The following ZNF385D variants were observed in gnomAD, a reference collection of about 807,000 sequenced individuals.
ZNF385D encodes zinc finger protein 659.
Under a neutral mutation model 35.8 loss-of-function variants are expected in ZNF385D, and 15 were observed. The ratio of observed to expected loss-of-function variants is 0.42; its 90% CI spans 0.28 to 0.64. The LOEUF (loss-of-function observed/expected upper bound fraction) is 0.64, where lower values mean the gene tolerates loss of function less well. ZNF385D is among the 30% of genes least tolerant of loss of function. The probability of loss-of-function intolerance (pLI) is 0.23; values close to 1 mark genes in which losing one functional copy is unlikely to be tolerated. For missense variants in ZNF385D, 474 were observed against 494.6 expected, an observed-to-expected ratio of 0.96 and a Z score of 0.39; for synonymous variants, 212 against 186.8, an observed-to-expected ratio of 1.13 and a Z score of -1.10.
intron 1 of ZNF385D, among the ~76,000 whole-genome samples, chr3:21,710,763 T>A (rs750320706): frequency 5.3e-5 from 8 of 152,178 alleles, no homozygotes; most frequent in Non-Finnish European, 7.3e-5. Flanking sequence ...TGTAATGTTT[T>A]CTCCAAAGAA....
At chr3:21,721,912 C>G (rs529733302) in intron 1 of ZNF385D, among the ~76,000 whole-genome samples, 1 of 152,136 alleles carries the variant, frequency 6.6e-6, no homozygotes, top group South Asian at 2.1e-4. Flanking sequence ...CCAGCCTGGC[C>G]AAAATGGCGA....
rs142626312 is a variant in ZNF385D at position 21,776,016 on chromosome 3, A to G, written c.326-110988T>C. Reference sequence around the variant, plus strand: ...ATATATTGTGATGTCCATTTTTTACATATTAAAATTTTATAGTATTTCTTT... The same window carrying G: ...ATATATTGTGATGTCCATTTTTTACGTATTAAAATTTTATAGTATTTCTTT... On this transcript the variant is annotated intron_variant, in intron 3 of 5. Transcript: ENST00000494108. 1.4e-3 allele frequency among the ~76,000 whole-genome samples: 215 copies of G among 151,924 alleles called. 1 individual carries two copies. Among genetic ancestry groups the G allele is most frequent in the African/African-American group, 4.8e-3 (198 of 41,510 alleles).
At chr3:21,671,609 A>G (rs892604728) in intron 1 of ZNF385D, among the ~76,000 whole-genome samples, 1 of 152,194 alleles carries the variant, frequency 6.6e-6, no homozygotes, top group Admixed American at 6.6e-5. Context: ...ATGATTTTTA[A>G]TGCACTGATA....
At chr3:21,703,568 C>A (rs73042164) in intron 1 of ZNF385D, among the ~76,000 whole-genome samples, 1 of 152,018 alleles carries the variant, frequency 6.6e-6, no homozygotes, top group African/African-American at 2.4e-5. Flanking sequence ...TTTCAGCACG[C>A]CATTTATTTC....
chr3:21,416,469 G>A lies in ZNF385D; in HGVS notation c.*4745C>T, dbSNP rs1611929. On this transcript the variant is annotated 3_prime_UTR_variant, in exon 8 of 8. Transcript: ENST00000281523. ...ATGAGCATGACATGTCAACCTATCC[G>A]TCTTTCACTGGACACCCTGATACCA... 130,217 of 151,974 alleles carry A rather than the reference G, an allele frequency of 0.86. 56,307 individuals carry two copies. Among genetic ancestry groups the A allele is most frequent in the East Asian group, 1 (5,136 of 5,148 alleles). 9.4% of individuals were successfully genotyped at this position (151,974 alleles called of 1,614,324 possible). A position where few individuals can be genotyped will look rare whatever the true frequency, so the allele number is the denominator to read the frequency against.
chr3:21,551,574 G>T (rs1221189063), intron 3 of ZNF385D, among the ~76,000 whole-genome samples: 2 of 152,144 alleles, frequency 1.3e-5, no homozygotes, highest in Admixed American at 1.3e-4. Flanking sequence ...CTTACATCTT[G>T]TTGGCCCTCA....
At chr3:21,831,289 A>AG (rs1361657989) in intron 3 of ZNF385D, among the ~76,000 whole-genome samples, 5 of 152,218 alleles carry the variant, frequency 3.3e-5, no homozygotes, top group Admixed American at 3.3e-4. Context: ...GAAGAGGAGC[A>AG]GAAATCACAC....
intron 2 of ZNF385D, among the ~76,000 whole-genome samples, chr3:22,347,807 C>CA (rs1042402546): frequency 9.2e-5 from 14 of 151,512 alleles, no homozygotes; most frequent in African/African-American, 2.2e-4. Context: ...ATAGTCTCTC[C>CA]AAAAAAAACC....
chr3:22,132,426 G>T (rs1452222632), intron 3 of ZNF385D, among the ~76,000 whole-genome samples: 2 of 152,028 alleles, frequency 1.3e-5, no homozygotes, highest in Non-Finnish European at 2.9e-5. Flanking sequence ...ATGATATTTT[G>T]TAATAGCAGT....
intron 2 of ZNF385D, among the ~76,000 whole-genome samples, chr3:21,609,748 T>C (rs6550614): frequency 0.55 from 83,520 of 151,950 alleles, 23,611 homozygotes; most frequent in African/African-American, 0.67. Flanking sequence ...GCTGAAAGAG[T>C]GTGTGTTCCT....
chr3:21,691,035 C>T (rs2067266567), intron 1 of ZNF385D, among the ~76,000 whole-genome samples: 1 of 152,178 alleles, frequency 6.6e-6, no homozygotes, highest in African/African-American at 2.4e-5. Flanking sequence ...CCAGTCTCTT[C>T]TCGGTCTTTC....
At chr3:21,764,300 G>C (rs1270872490) in intron 3 of ZNF385D, among the ~76,000 whole-genome samples, 1 of 152,116 alleles carries the variant, frequency 6.6e-6, no homozygotes, top group African/African-American at 2.4e-5. Context: ...AGGAGAAGTA[G>C]TTTGAAAGAA....
intron 3 of ZNF385D, among the ~76,000 whole-genome samples, chr3:21,513,427 G>A (rs953181570): frequency 6.6e-6 from 1 of 151,944 alleles, no homozygotes; most frequent in African/African-American, 2.4e-5. Flanking sequence ...AAAATGAAAT[G>A]CATATTCACT....
chr3:21,826,582 G>T (rs555310609), intron 3 of ZNF385D, among the ~76,000 whole-genome samples: 2 of 152,088 alleles, frequency 1.3e-5, no homozygotes, highest in Admixed American at 1.3e-4. Context: ...AGTAACTTTT[G>T]CCACCGTTCA....
intron 2 of ZNF385D, among the ~76,000 whole-genome samples, chr3:22,241,256 G>A (rs1699477180): frequency 1.3e-5 from 2 of 151,158 alleles, no homozygotes; most frequent in African/African-American, 4.9e-5. Flanking sequence ...AGCTGAGTAT[G>A]GTGAGGAAGG....
intron 3 of ZNF385D, among the ~76,000 whole-genome samples, chr3:21,983,114 TGGG>T (rs34404105): frequency 0.11 from 16,220 of 151,324 alleles, 1,169 homozygotes; most frequent in South Asian, 0.26. Flanking sequence ...TAGAATGAAT[TGGG>T]GAGGAGTCCC....
At chr3:21,962,764 T>C (rs1702667757) in intron 3 of ZNF385D, among the ~76,000 whole-genome samples, 1 of 152,198 alleles carries the variant, frequency 6.6e-6, no homozygotes, top group Non-Finnish European at 1.5e-5. Context: ...TTGCCTAGCA[T>C]ACATTCTCAT....
At chr3:22,348,485 T>TAAAAAAAAAAAAAAAAAAAAAAAAAAA (rs1168729541) in intron 2 of ZNF385D, among the ~76,000 whole-genome samples, 6 of 84,932 alleles carry the variant, frequency 7.1e-5, no homozygotes, top group African/African-American at 2.3e-4. Context: ...CCATCTCTAC[T>TAAAAAAAAAAAAAAAAAAAAAAAAAAA]AAAAAAAAAA....
intron 3 of ZNF385D, among the ~76,000 whole-genome samples, chr3:22,148,869 G>A (rs904238618): frequency 1.2e-4 from 19 of 152,116 alleles, no homozygotes; most frequent in Non-Finnish European, 2.2e-4. Flanking sequence ...AAAGATAGAC[G>A]AAACCTACAT....
Sources: gnomAD v4.1 joint callset for allele counts (sites outside exome capture counted in the v4.1 genomes callset) on GRCh38, gnomAD v4.1.1 for gene constraint, MANE v1.5 for transcripts, NCBI Gene and HGNC (gene_info 2026-07-23, HGNC 2026-07-21) for gene names.